RPGR: variants seen among roughly 807,000 people sequenced by gnomAD.
RPGR encodes the protein retinitis pigmentosa GTPase regulator.
In RPGR, 10 loss-of-function variants were observed where a neutral mutation model predicts 56.3. The ratio of observed to expected loss-of-function variants is 0.18; its 90% CI spans 0.11 to 0.30. The LOEUF (loss-of-function observed/expected upper bound fraction) is 0.30. RPGR is among the 10% of genes least tolerant of loss of function. The pLI is 1.00. For missense variants in RPGR, 538 were observed against 590.9 expected, an observed-to-expected ratio of 0.91 and a Z score of 0.93; for synonymous variants, 197 against 212.9, an observed-to-expected ratio of 0.93 and a Z score of 0.65.
At chrX:38,292,160 C>T (rs2067294267) in intron 11 of RPGR, among the ~76,000 whole-genome samples, 1 of 111,717 alleles carries the variant, frequency 9.0e-6, no homozygotes, top group Admixed American at 9.5e-5. Flanking sequence ...ATAACTGCAG[C>T]CCCATCTGAC....
Position 38,269,671 on chromosome X carries a change from T to G in RPGR, c.2403A>C (p.Pro801=). ...TTGATCTTCTCTCTGTATTTGTTGG[T>G]GGGATATTCTGATGATTCTGACTCA... Residue 801 remains proline (P), a synonymous_variant, in exon 19 of 19, where the codon CCA becomes CCC. Coordinates refer to ENST00000642395, the MANE Select transcript of RPGR (RefSeq NM_000328.3). 8.3e-7 allele frequency: 1 copy of G among 1,208,609 alleles called. No homozygotes were observed. Among genetic ancestry groups the G allele is most frequent in the Non-Finnish European group, 1.1e-6 (1 of 892,598 alleles).
intron 1 of RPGR, chrX:38,325,653 G>T: frequency 8.8e-6 from 1 of 113,146 alleles, no homozygotes. Context: ...AACAGTACAT[G>T]GGAAAGGACG....
intron 15 of RPGR, chrX:38,284,556 G>A (rs1055123209): frequency 1.3e-6 from 1 of 751,525 alleles, no homozygotes; most frequent in Non-Finnish European, 1.6e-6. Flanking sequence ...GGAAATGATA[G>A]GAGTTTAGAA....
At chrX:38,321,277 T>A (rs890047620) in intron 3 of RPGR, among the ~76,000 whole-genome samples, 188 bp from the exon 4 acceptor site, 2 of 111,630 alleles carry the variant, frequency 1.8e-5, no homozygotes, top group Non-Finnish European at 3.8e-5. Context: ...AAGTGGAGCT[T>A]TGAATACAAT....
intron 1 of RPGR, among the ~76,000 whole-genome samples, chrX:38,324,286 G>A (rs1409939183): frequency 1.8e-5 from 2 of 111,077 alleles, no homozygotes; most frequent in Non-Finnish European, 3.8e-5. Context: ...GTTTTAGCAT[G>A]TTGTTCAGGC....
At chrX:38,289,467 A>T (rs1490462986) in intron 13 of RPGR, among the ~76,000 whole-genome samples, 16 of 112,370 alleles carry the variant, frequency 1.4e-4, no homozygotes, top group African/African-American at 5.2e-4. Flanking sequence ...GGCAAAACCA[A>T]ATTGTTGATC....
chrX:38,301,315 G>A lies in RPGR; in HGVS notation c.991C>T (p.Leu331=). The change falls in exon 9 of 19, where the codon CTG becomes TTG. Residue 331 remains leucine (L), a synonymous_variant. Coordinates refer to ENST00000642395, the MANE Select transcript of RPGR (RefSeq NM_000328.3). ...ATGAAGTGATTGGTAAAATTCTCCAGTCCAAGTCCTAATTTTCCGTGGCGA... is the reference window on the plus strand; with the variant it reads ...ATGAAGTGATTGGTAAAATTCTCCAATCCAAGTCCTAATTTTCCGTGGCGA... 8.3e-7 allele frequency: 1 copy of A among 1,204,625 alleles called. No homozygotes were observed. The highest frequency in any genetic ancestry group is 1.8e-5 in the South Asian group (1 of 56,819).
rs750857784 is a variant in RPGR, at chrX:38,287,974, T to A, written c.1640A>T (p.Tyr547Phe). 2.3e-5 allele frequency: 28 copies of A among 1,207,640 alleles called. No homozygotes were observed. In the South Asian group the frequency reaches 4.9e-4, roughly 21 times the overall value. Reference sequence around the variant, plus strand: ...TTCTTTCATTTCTGACATTTCTTCATATTCATCACTATCATCGTTTTCAGT... The same window carrying A: ...TTCTTTCATTTCTGACATTTCTTCAAATTCATCACTATCATCGTTTTCAGT... The change falls in exon 14 of 19, where the codon TAT (tyrosine) becomes TTT (phenylalanine). Residue 547 changes from tyrosine to phenylalanine, a missense_variant. Physicochemically the swap from Tyr to Phe is conservative, Grantham distance 22. Around this residue, in one of 2 missense-constraint regions of RPGR, gnomAD observed 357 missense variants for 325.8 expected, o/e 1.10. Coordinates refer to ENST00000642395, the MANE Select transcript of RPGR (RefSeq NM_000328.3).
intron 9 of RPGR, among the ~76,000 whole-genome samples, chrX:38,300,229 C>T (rs186174945): frequency 8.2e-4 from 92 of 111,543 alleles, no homozygotes; most frequent in Non-Finnish European, 1.2e-3. Context: ...GGATTACAGG[C>T]GTGAGCCACC....
chrX:38,295,441 T>C (rs1465383273), intron 11 of RPGR, among the ~76,000 whole-genome samples: 2 of 112,521 alleles, frequency 1.8e-5, no homozygotes, highest in African/African-American at 3.2e-5. Flanking sequence ...AGAGATGGCA[T>C]TTCCTTTTGA....
chrX:38,315,249 T>C (rs1356882813), intron 6 of RPGR, among the ~76,000 whole-genome samples: 1 of 111,488 alleles, frequency 9.0e-6, no homozygotes. Context: ...AGAGAATCGC[T>C]TGAACCTGGG....
chrX:38,304,837 A>AGTGT, intron 7 of RPGR, 47 bp from the exon 8 acceptor site: 1 of 1,124,139 alleles, frequency 8.9e-7, no homozygotes, highest in Non-Finnish European at 1.2e-6. Flanking sequence ...GGAAGCAGAC[A>AGTGT]CTGTTACCAT....
intron 2 of RPGR, 30 bp downstream of exon 2, chrX:38,323,368 TA>T: frequency 3.4e-6 from 4 of 1,166,515 alleles, no homozygotes; most frequent in Non-Finnish European, 4.7e-6. Context: ...TTCTAAGTAT[TA>T]CTGTCCTTAT....
chrX:38,276,701 C>T lies in RPGR; in HGVS notation c.1977G>A (p.Val659=). 1 of 1,209,917 alleles carries T rather than the reference C, an allele frequency of 8.3e-7. No individual in the cohort carries two copies. Among genetic ancestry groups the T allele is most frequent in the Non-Finnish European group, 1.1e-6 (1 of 894,110 alleles). The change falls in exon 16 of 19, where the codon GTG becomes GTA. Residue 659 remains valine (V), a synonymous_variant. Coordinates refer to ENST00000642395, the MANE Select transcript of RPGR (RefSeq NM_000328.3). ...CTCCCACAGTTTTCTTCTTGCTTTCCACATTTTCAGCATTAATTTCCTCAT... is the reference window on the plus strand; with the variant it reads ...CTCCCACAGTTTTCTTCTTGCTTTCTACATTTTCAGCATTAATTTCCTCAT...
intron 12 of RPGR, 101 bp downstream of exon 12, chrX:38,291,292 G>A (rs1435788095): frequency 6.0e-6 from 3 of 499,654 alleles, no homozygotes; most frequent in Non-Finnish European, 1.0e-5. Flanking sequence ...CGAGAAAGAC[G>A]CTTTCATGCA....
chrX:38,285,328 A>G (rs1018320326), intron 15 of RPGR: 26 of 1,064,610 alleles, frequency 2.4e-5, no homozygotes, highest in African/African-American at 9.5e-5. Flanking sequence ...TGGGGGGGAA[A>G]TACACGAAAA....
At chrX:38,319,571 C>T (rs192653878) in intron 4 of RPGR, among the ~76,000 whole-genome samples, 1 of 112,063 alleles carries the variant, frequency 8.9e-6, no homozygotes, top group East Asian at 2.8e-4. Context: ...GCTGTGGGAC[C>T]TTGGGCAAGC....
chrX:38,319,035 T>C (rs776891164), intron 4 of RPGR, 48 bp from the exon 5 acceptor site: 2 of 1,158,243 alleles, frequency 1.7e-6, no homozygotes, highest in Non-Finnish European at 2.4e-6. Flanking sequence ...TCCCCCTTTT[T>C]ATGAGACAGG....
At chrX:38,301,845 A>C (rs951580860) in intron 8 of RPGR, among the ~76,000 whole-genome samples, 11 of 110,814 alleles carry the variant, frequency 9.9e-5, no homozygotes, top group African/African-American at 3.6e-4. Flanking sequence ...TGTGCACTGT[A>C]GGATGTTCAG....
Sources: allele counts gnomAD v4.1 joint callset (sites outside exome capture counted in the v4.1 genomes callset), GRCh38; gene constraint gnomAD v4.1.1; regional missense constraint gnomAD v4.1.1; transcripts MANE v1.5; gene names NCBI Gene and HGNC (gene_info 2026-07-23, HGNC 2026-07-21).